CFAP47: variants seen among roughly 807,000 people sequenced by gnomAD.
The protein encoded by CFAP47 is cilia- and flagella-associated protein 47.
CFAP47 carries 29 observed loss-of-function variants against 148.1 expected under a neutral mutation model. The observed-to-expected ratio is 0.20, with a 90% CI of 0.15 to 0.27. The LOEUF is 0.27. Ranked by LOEUF, CFAP47 falls within the 10% of genes least tolerant of loss-of-function variation. CFAP47 has a pLI of 1.00. For missense variants in CFAP47, 1,872 were observed against 1,697.5 expected, an observed-to-expected ratio of 1.10 and a Z score of -1.81; for synonymous variants, 664 against 577.3, an observed-to-expected ratio of 1.15 and a Z score of -2.15.
At chrX:36,105,954 T>A (rs6632489) in intron 33 of CFAP47, among the ~76,000 whole-genome samples, 18,979 of 111,831 alleles carry the variant, frequency 0.17, 1,738 homozygotes, top group African/African-American at 0.33. Context: ...CTTGCTGTTT[T>A]TTAGCACACT....
intron 22 of CFAP47, among the ~76,000 whole-genome samples, chrX:36,025,908 C>T (rs897350581): frequency 1.8e-5 from 2 of 111,322 alleles, no homozygotes; most frequent in East Asian, 2.8e-4. Context: ...ATTCATTTTC[C>T]GATAGATCTC....
At chrX:36,243,432 A>C (rs1940571496) in intron 48 of CFAP47, among the ~76,000 whole-genome samples, 1 of 109,340 alleles carries the variant, frequency 9.1e-6, no homozygotes. Flanking sequence ...TGTCTTCAAG[A>C]GACCCGTCTC....
At chrX:36,312,490 G>A (rs1043952300) in intron 56 of CFAP47, among the ~76,000 whole-genome samples, 2 of 110,888 alleles carry the variant, frequency 1.8e-5, no homozygotes, top group African/African-American at 6.5e-5. Context: ...TGTTTGTGAC[G>A]TTTATACCAA....
intron 39 of CFAP47, among the ~76,000 whole-genome samples, chrX:36,172,694 G>A (rs1280592951): frequency 1.8e-5 from 2 of 111,143 alleles, no homozygotes; most frequent in East Asian, 5.6e-4. Context: ...TGCTGGATTC[G>A]GTTTGCCAGT....
chrX:36,231,891 T>C (rs1940366821), intron 46 of CFAP47, among the ~76,000 whole-genome samples: 1 of 111,881 alleles, frequency 8.9e-6, no homozygotes, highest in Non-Finnish European at 1.9e-5. Flanking sequence ...TTGTCTTTGG[T>C]TCTGCTTATA....
chrX:36,206,942 G>C (rs1383869473), intron 45 of CFAP47, among the ~76,000 whole-genome samples: 1 of 112,232 alleles, frequency 8.9e-6, no homozygotes, highest in African/African-American at 3.2e-5. Flanking sequence ...AGATTATAAA[G>C]GGATCTTTTC....
At chrX:36,346,088 A>G (rs1941695201) in intron 57 of CFAP47, among the ~76,000 whole-genome samples, 1 of 112,116 alleles carries the variant, frequency 8.9e-6, no homozygotes, top group Non-Finnish European at 1.9e-5. Context: ...GTTACTTTAA[A>G]TGTAGACATT....
intron 56 of CFAP47, among the ~76,000 whole-genome samples, chrX:36,311,988 C>T (rs1172504056): frequency 3.6e-5 from 4 of 110,715 alleles, no homozygotes; most frequent in East Asian, 2.8e-4. Context: ...ATTTTGGCTG[C>T]GATCAGGAGA....
At chrX:36,004,907 T>C (rs1486917749) in intron 21 of CFAP47, among the ~76,000 whole-genome samples, 1 of 111,877 alleles carries the variant, frequency 8.9e-6, no homozygotes, top group Non-Finnish European at 1.9e-5. Context: ...ATTATTAATG[T>C]AATCTGTTTG....
Position 35,975,984 on chromosome X carries a change from T to C in CFAP47, c.2713+71T>C, listed in dbSNP as rs1002374095. The C allele has an allele frequency of 3.8e-6, 4 of 1,054,554 alleles. No homozygotes were observed. The African/African-American group carries it at 7.4e-5, about 19-fold the overall frequency. 86.9% of individuals were successfully genotyped at this position (1,054,554 alleles called of 1,213,427 possible). A position where few individuals can be genotyped will look rare whatever the true frequency, so the allele number is the denominator to read the frequency against. On this transcript the variant is annotated intron_variant, in intron 15 of 63. Transcript: ENST00000378653. ...TATTCATGTATTCTGGTATTAATTATTTATTGAGTGTGTACTGTGTACTGG... is the reference window on the plus strand; with the variant it reads ...TATTCATGTATTCTGGTATTAATTACTTATTGAGTGTGTACTGTGTACTGG...
intron 21 of CFAP47, among the ~76,000 whole-genome samples, chrX:36,006,620 A>G (rs769785194): frequency 8.9e-6 from 1 of 112,160 alleles, no homozygotes; most frequent in African/African-American, 3.2e-5. Flanking sequence ...TCAACAATAC[A>G]TGATTGATTT....
chrX:36,303,841 T>C lies in CFAP47; in HGVS notation c.7971-8T>C, dbSNP rs935226593. 1.8e-5 allele frequency: 19 copies of C among 1,027,966 alleles called. No individual in the cohort carries two copies. The East Asian group carries it at 4.9e-4, about 27-fold the overall frequency. The allele number at this position is 1,027,966 out of a possible 1,213,427, so 84.7% of individuals were successfully genotyped here. On this transcript the variant is annotated splice_region_variant and splice_polypyrimidine_tract_variant and intron_variant, in intron 53 of 63. Coordinates refer to ENST00000378653, the MANE Select transcript of CFAP47 (RefSeq NM_001304548.2). ...CCAGCAACTTTACTAGCTTTTTTTT[T>C]CTCCTAGGCATGTCACTCAGATCAT...
intron 15 of CFAP47, among the ~76,000 whole-genome samples, chrX:35,988,355 CTCT>C (rs1601918553): frequency 8.9e-6 from 1 of 111,783 alleles, no homozygotes; most frequent in Non-Finnish European, 1.9e-5. Context: ...ATAACCAGTT[CTCT>C]TCTTTTTATA....
At chrX:35,948,234 G>A in intron 3 of CFAP47, 80 bp from the exon 4 acceptor site, 3 of 915,843 alleles carry the variant, frequency 3.3e-6, no homozygotes, top group Non-Finnish European at 4.6e-6. Context: ...ACTGGGTAAA[G>A]TATGTTGGTC....
intron 3 of CFAP47, among the ~76,000 whole-genome samples, chrX:35,943,917 A>G (rs1447980010): frequency 9.0e-6 from 1 of 111,169 alleles, no homozygotes; most frequent in Admixed American, 9.6e-5. Flanking sequence ...ATCATGGAGA[A>G]TGTTGAGTAG....
chrX:35,945,318 A>C (rs1257773624), intron 3 of CFAP47, among the ~76,000 whole-genome samples: 1 of 110,744 alleles, frequency 9.0e-6, no homozygotes, highest in Non-Finnish European at 1.9e-5. Flanking sequence ...TCTTTCCTAG[A>C]CTGGTGTTTC....
chrX:36,050,793 C>G (rs770011029), intron 26 of CFAP47, among the ~76,000 whole-genome samples: 3 of 111,956 alleles, frequency 2.7e-5, no homozygotes, highest in Non-Finnish European at 1.9e-5. Flanking sequence ...CCTCCCATCA[C>G]AGGCCTGGAT....
chrX:36,232,893 A>G (rs1449945003), intron 46 of CFAP47, among the ~76,000 whole-genome samples: 1 of 112,101 alleles, frequency 8.9e-6, no homozygotes, highest in East Asian at 2.8e-4. Flanking sequence ...ATTCAGGAGC[A>G]GGTTGTTCAG....
rs957577089 is a variant in CFAP47, at chrX:36,299,065, G to C, written c.7775G>C (p.Gly2592Ala). ...CAGTTAACGAGTGCTGCCCTTAATGGGGATAATGAAATTATCCTGAGTCCA... is the reference window on the plus strand; with the variant it reads ...CAGTTAACGAGTGCTGCCCTTAATGCGGATAATGAAATTATCCTGAGTCCA... Reference protein sequence around the residue: ...EVQLTSAALNGDNEIILSPLQ... With the variant: ...EVQLTSAALNADNEIILSPLQ... Residue 2592 changes from glycine (G) to alanine (A), a missense_variant, in exon 52 of 64, where the codon GGG (glycine) becomes GCG (alanine). Gly to Ala is a moderately conservative substitution (Grantham distance 60). Transcript: ENST00000378653. 82 of 1,133,275 alleles carry C rather than the reference G, an allele frequency of 7.2e-5. 1 individual carries two copies. The East Asian group carries it at 2.7e-3, about 37-fold the overall frequency. The allele number at this position is 1,133,275 out of a possible 1,213,427, so 93.4% of individuals were successfully genotyped here.
Sources: gnomAD v4.1 joint callset for allele counts (sites outside exome capture counted in the v4.1 genomes callset) on GRCh38, gnomAD v4.1.1 for gene constraint, MANE v1.5 for transcripts, NCBI Gene and HGNC (gene_info 2026-07-23, HGNC 2026-07-21) for gene names.